MEIOC: variants seen among roughly 807,000 people sequenced by gnomAD.
MEIOC encodes the protein meiosis specific with coiled-coil domain.
In MEIOC, 9 loss-of-function variants were observed where a neutral mutation model predicts 85.3. The observed-to-expected ratio is 0.11, with a 90% CI of 0.06 to 0.18. MEIOC has a LOEUF of 0.18. Ranked by LOEUF, MEIOC falls within the 10% of genes least tolerant of loss-of-function variation. MEIOC has a pLI of 1.00. For missense variants in MEIOC, 898 were observed against 1,129.4 expected, an observed-to-expected ratio of 0.80 and a Z score of 2.94; for synonymous variants, 365 against 393.7, an observed-to-expected ratio of 0.93 and a Z score of 0.86.
chr17:44,657,543 G>GT (rs1030858406), intron 2 of MEIOC, among the ~76,000 whole-genome samples: 86 of 150,510 alleles, frequency 5.7e-4, no homozygotes, highest in African/African-American at 1.9e-3. Flanking sequence ...TGTTTTTTTT[G>GT]TTTGTTTTGT....
Position 44,656,504 on chromosome 17 carries a change from G to T in MEIOC, c.-110G>T, listed in dbSNP as rs991013607. 1 of 909,432 alleles carries T rather than the reference G, an allele frequency of 1.1e-6. No individual in the cohort carries two copies. 56.3% of individuals were successfully genotyped at this position (909,432 alleles called of 1,614,324 possible). On this transcript the variant is annotated 5_prime_UTR_variant, in exon 1 of 8. Transcript: ENST00000409122. ...AGGCAGCGCCCGGGCGGCGGAGGCGGCTGCGGAGACGGCGGGGTGCGGGCT... is the reference window on the plus strand; with the variant it reads ...AGGCAGCGCCCGGGCGGCGGAGGCGTCTGCGGAGACGGCGGGGTGCGGGCT...
Position 44,657,258 on chromosome 17 carries a change from G to A in MEIOC, c.201G>A (p.Ser67=), listed in dbSNP as rs1471154408. ...CTTCCTTCTACGATTGCTACACATC[G>A]CAGGTCCTTTAGTAAACTCTGCCTC... is the stretch of plus-strand genomic sequence containing the variant. ...GSASFYDCYT[S]QSEDNVDLRQ... The change falls in exon 2 of 8, where the codon TCG becomes TCA. Residue 67 remains serine, a synonymous_variant. Transcript: ENST00000409122. The A allele has an allele frequency of 6.4e-7, 1 of 1,550,980 alleles. No homozygotes were observed. Among genetic ancestry groups the A allele is most frequent in the Admixed American group, 2.0e-5 (1 of 50,952 alleles).
At chr17:44,657,534 GT>G (rs1032314869) in intron 2 of MEIOC, among the ~76,000 whole-genome samples, 3 of 150,082 alleles carry the variant, frequency 2.0e-5, no homozygotes, top group Admixed American at 6.6e-5. Context: ...ACGCCCGGCT[GT>G]TTTTTTTGTT....
chr17:44,662,266 A>G, intron 2 of MEIOC, 51 bp from the exon 3 acceptor site: 1 of 1,348,926 alleles, frequency 7.4e-7, no homozygotes, highest in Non-Finnish European at 1.0e-6. Context: ...CTCATATTCT[A>G]CAACAAATGA....
chr17:44,673,451 A>T lies in MEIOC; in HGVS notation c.2543A>T (p.Glu848Val). 1 of 1,550,798 alleles carries T rather than the reference A, an allele frequency of 6.4e-7. No individual in the cohort carries two copies. Among genetic ancestry groups the T allele is most frequent in the Non-Finnish European group, 8.7e-7 (1 of 1,146,144 alleles). The change falls in exon 7 of 8, where the codon GAG becomes GTG. Residue 848 changes from glutamate (E) to valine (V), a missense_variant. Around this residue, in one of 2 missense-constraint regions of MEIOC, gnomAD observed 164 missense variants for 269.2 expected, o/e 0.61. Transcript: ENST00000409122. Reference protein sequence around the residue: ...SISTALDRHLESIHIVQSRRK... With the variant: ...SISTALDRHLVSIHIVQSRRK... ...TCTACTGCTCTTGATAGACACTTGG[A>T]GTCTATTCACATTGTACAGTCACGT...
At position 44,667,654 on chromosome 17, in the gene MEIOC, A is replaced by G. The variant is rs1247224414; in HGVS notation, c.1743A>G (p.Lys581=). ...TCTTCAAATTGGTTACGGATAAAAA[A>G]ATAAAGCAGCCAAATGGATTTTGTG... ...ENLFKLVTDK[K]IKQPNGFCDN... The change falls in exon 5 of 8, where the codon AAA becomes AAG. Residue 581 remains lysine (K), a synonymous_variant. Coordinates refer to ENST00000409122, the MANE Select transcript of MEIOC (RefSeq NM_001145080.3). 6.2e-7 allele frequency: 1 copy of G among 1,612,708 alleles called. No individual in the cohort carries two copies. Among genetic ancestry groups the G allele is most frequent in the South Asian group, 1.1e-5 (1 of 90,932 alleles).
In MEIOC at chr17:44,666,608, G is replaced by C; in HGVS notation, c.697G>C (p.Glu233Gln). 2 of 1,610,906 alleles carry C rather than the reference G, an allele frequency of 1.2e-6. No homozygotes were observed. The highest frequency in any genetic ancestry group is 1.7e-6 in the Non-Finnish European group (2 of 1,178,364). ...LHHGFTGLDL[E>Q]EQWMYPSRSD... ...TCATGGATTTACTGGTTTAGATCTTGAAGAACAATGGATGTACCCCTCACG... is the reference window on the plus strand; with the variant it reads ...TCATGGATTTACTGGTTTAGATCTTCAAGAACAATGGATGTACCCCTCACG... The change falls in exon 5 of 8, where the codon GAA becomes CAA. Residue 233 changes from glutamate to glutamine, a missense_variant. Transcript: ENST00000409122.
chr17:44,663,856 A>T (rs1416356463), intron 3 of MEIOC, among the ~76,000 whole-genome samples: 1 of 152,198 alleles, frequency 6.6e-6, no homozygotes, highest in Non-Finnish European at 1.5e-5. Context: ...GTAGTTTGGC[A>T]AGTCATATAC....
Position 44,674,714 on chromosome 17 carries a change from T to C in MEIOC, c.*518T>C. ...AAAATACGGATAAACCCAATATTCA[T>C]GTACAAACTTAATATTTAAAATACT... On this transcript the variant is annotated 3_prime_UTR_variant, in exon 8 of 8. Transcript: ENST00000409122. 1.0e-6 allele frequency: 1 copy of C among 982,268 alleles called. No individual in the cohort carries two copies. Among genetic ancestry groups the C allele is most frequent in the Non-Finnish European group, 1.2e-6 (1 of 826,838 alleles). The allele number at this position is 982,268 out of a possible 1,614,324, so 60.8% of individuals were successfully genotyped here.
intron 4 of MEIOC, among the ~76,000 whole-genome samples, chr17:44,665,773 A>G (rs1036539210): frequency 1.3e-5 from 2 of 152,170 alleles, no homozygotes; most frequent in African/African-American, 2.4e-5. Flanking sequence ...AATAATATAA[A>G]TTCAAAGGAA....
Position 44,675,189 on chromosome 17 carries a change from T to C in MEIOC, c.*993T>C. 1 of 985,308 alleles carries C rather than the reference T, an allele frequency of 1.0e-6. No homozygotes were observed. The allele number at this position is 985,308 out of a possible 1,614,324, so 61.0% of individuals were successfully genotyped here. ...GTTCTAAAATGTATTTTTTAAAGGT[T>C]AATCTCTAACTAGTTTAGCTTGCAA... On this transcript the variant is annotated 3_prime_UTR_variant, in exon 8 of 8. Coordinates refer to ENST00000409122, the MANE Select transcript of MEIOC (RefSeq NM_001145080.3).
At position 44,667,066 on chromosome 17, in the gene MEIOC, A is replaced by G. The variant is rs2144667593; in HGVS notation, c.1155A>G (p.Thr385=). The G allele has an allele frequency of 6.2e-7, 1 of 1,613,822 alleles. No individual in the cohort carries two copies. The highest frequency in any genetic ancestry group is 8.5e-7 in the Non-Finnish European group (1 of 1,179,798). ...KPANQKKMEE[T]IPDQQNFTFP... ...CGAATCAGAAAAAAATGGAGGAGAC[A>G]ATCCCTGATCAGCAGAATTTCACAT... Residue 385 remains threonine, a synonymous_variant, in exon 5 of 8, where the codon ACA becomes ACG. Coordinates refer to ENST00000409122, the MANE Select transcript of MEIOC (RefSeq NM_001145080.3).
chr17:44,666,640 T>G lies in MEIOC; in HGVS notation c.729T>G (p.Asp243Glu). ...EEQWMYPSRS[D>E]HSNCHNIQTN... ...AATGGATGTACCCCTCACGAAGTGA[T>G]CATTCTAACTGTCACAATATTCAGA... The change falls in exon 5 of 8, where the codon GAT (aspartate) becomes GAG (glutamate). Residue 243 changes from aspartate to glutamate, a missense_variant. Asp to Glu is a conservative substitution (Grantham distance 45, BLOSUM62 2). This residue lies in a region of MEIOC where 734 missense variants were observed against 860.1 expected (regional missense o/e 0.85). Coordinates refer to ENST00000409122, the MANE Select transcript of MEIOC (RefSeq NM_001145080.3). 6.2e-7 allele frequency: 1 copy of G among 1,611,708 alleles called. No homozygotes were observed.
chr17:44,671,152 T>A (rs1048423304), intron 6 of MEIOC: 1 of 151,808 alleles, frequency 6.6e-6, no homozygotes, highest in African/African-American at 2.4e-5. Flanking sequence ...ATGGAATTTA[T>A]CCATGGTACA....
At chr17:44,666,084 A>G (rs1330760238) in intron 4 of MEIOC, among the ~76,000 whole-genome samples, 2 of 152,190 alleles carry the variant, frequency 1.3e-5, no homozygotes, top group African/African-American at 4.8e-5. Flanking sequence ...TCTGCTTACT[A>G]TAGATAAATA....
rs778942776 is a variant in MEIOC at position 44,674,580 on chromosome 17, T to C, written c.*384T>C. ...TAAGTATAATTCCAAATAATGAATCTAAGTGACTGTAACCCAATTACGGCT... is the reference window on the plus strand; with the variant it reads ...TAAGTATAATTCCAAATAATGAATCCAAGTGACTGTAACCCAATTACGGCT... On this transcript the variant is annotated 3_prime_UTR_variant, in exon 8 of 8. Coordinates refer to ENST00000409122, the MANE Select transcript of MEIOC (RefSeq NM_001145080.3). The C allele has an allele frequency of 1.4e-5, 14 of 997,580 alleles. No individual in the cohort carries two copies. The highest frequency in any genetic ancestry group is 1.7e-5 in the Non-Finnish European group (14 of 836,794). 61.8% of individuals were successfully genotyped at this position (997,580 alleles called of 1,614,324 possible). A position where few individuals can be genotyped will look rare whatever the true frequency, so the allele number is the denominator to read the frequency against.
Position 44,667,919 on chromosome 17 carries a change from A to G in MEIOC, c.2008A>G (p.Met670Val). 1 of 1,613,910 alleles carries G rather than the reference A, an allele frequency of 6.2e-7. No homozygotes were observed. The highest frequency in any genetic ancestry group is 1.1e-5 in the South Asian group (1 of 91,062). Residue 670 changes from methionine (M) to valine (V), a missense_variant, in exon 5 of 8, where the codon ATG becomes GTG. Met to Val is a conservative substitution (Grantham distance 21). Transcript: ENST00000409122. Reference protein sequence around the residue: ...TQVSCFSNNYMMGDLRHNQCF... With the variant: ...TQVSCFSNNYVMGDLRHNQCF... ...AGTGTCATGCTTTTCTAATAATTAT[A>G]TGATGGGAGATTTAAGGCATAATCA...
At position 44,669,544 on chromosome 17, in the gene MEIOC, G is replaced by A. The variant is rs903200022; in HGVS notation, c.2457+27G>A. Reference sequence around the variant, plus strand: ...TAAGCTGTAAAAATAGATAACAGTGGATGGATTTTTTGTTAAATTTTTTTT... The same window carrying A: ...TAAGCTGTAAAAATAGATAACAGTGAATGGATTTTTTGTTAAATTTTTTTT... On this transcript the variant is annotated intron_variant, in intron 6 of 7. Coordinates refer to ENST00000409122, the MANE Select transcript of MEIOC (RefSeq NM_001145080.3). 6 of 1,550,620 alleles carry A rather than the reference G, an allele frequency of 3.9e-6. No homozygotes were observed. The Admixed American group carries it at 9.8e-5, about 25-fold the overall frequency.
chr17:44,665,013 G>A (rs995223850), intron 3 of MEIOC: 3 of 355,906 alleles, frequency 8.4e-6, no homozygotes, highest in African/African-American at 4.4e-5. Context: ...ATGGAATAAT[G>A]TATAATAAGA....
Sources: gnomAD v4.1 joint callset for allele counts (sites outside exome capture counted in the v4.1 genomes callset) on GRCh38, gnomAD v4.1.1 for gene constraint, gnomAD v4.1.1 regional missense constraint, MANE v1.5 for transcripts, NCBI Gene and HGNC (gene_info 2026-07-23, HGNC 2026-07-21) for gene names.